The following PDE4B variants were observed in gnomAD, a reference collection of about 807,000 sequenced individuals.
PDE4B encodes the protein 3',5'-cyclic-AMP phosphodiesterase 4B.
PDE4B carries 20 observed loss-of-function variants against 82.2 expected under a neutral mutation model. The observed-to-expected ratio is 0.24, with a 90% CI of 0.17 to 0.35. PDE4B has a LOEUF of 0.35. PDE4B is among the 10% of genes least tolerant of loss of function. The probability of loss-of-function intolerance (pLI) is 1.00; values close to 1 mark genes in which losing one functional copy is unlikely to be tolerated. For synonymous variants in PDE4B, 320 were observed against 318.9 expected (o/e 1.00, Z -0.04); for missense variants, 655 against 907.2 (o/e 0.72, Z 3.57).
At chr1:66,208,387 G>T (rs921964975) in intron 3 of PDE4B, among the ~76,000 whole-genome samples, 2 of 152,160 alleles carry the variant, frequency 1.3e-5, no homozygotes, top group African/African-American at 2.4e-5. Flanking sequence ...CATGATTTAC[G>T]TAGCACATAC....
At chr1:66,234,792 G>A (rs550590337) in intron 3 of PDE4B, among the ~76,000 whole-genome samples, 46 of 150,394 alleles carry the variant, frequency 3.1e-4, no homozygotes, top group African/African-American at 1.0e-3. Flanking sequence ...TTTTATTTCC[G>A]CTCTATCTTT....
intron 3 of PDE4B, among the ~76,000 whole-genome samples, chr1:65,998,600 A>G (rs949908126): frequency 6.6e-6 from 1 of 152,190 alleles, no homozygotes; most frequent in African/African-American, 2.4e-5. Flanking sequence ...CGTAACATTG[A>G]AAACTATGCA....
chr1:66,265,967 G>T, intron 6 of PDE4B, 71 bp from the exon 7 acceptor site: 6 of 1,076,202 alleles, frequency 5.6e-6, no homozygotes, highest in African/African-American at 1.5e-5. Context: ...TAACCATGAG[G>T]GTGGGGTGTC....
At chr1:65,839,236 T>G (rs868602459) in intron 1 of PDE4B, among the ~76,000 whole-genome samples, 1 of 152,104 alleles carries the variant, frequency 6.6e-6, no homozygotes, top group African/African-American at 2.4e-5. Context: ...TATTTTATAC[T>G]TTCATTCAAT....
intron 3 of PDE4B, among the ~76,000 whole-genome samples, chr1:66,225,524 G>T (rs1045020820): frequency 6.6e-6 from 1 of 152,196 alleles, no homozygotes; most frequent in African/African-American, 2.4e-5. Context: ...ATGAAGGTCT[G>T]TTTCTCCCTA....
At chr1:66,062,164 T>C (rs556342199) in intron 3 of PDE4B, among the ~76,000 whole-genome samples, 1 of 152,034 alleles carries the variant, frequency 6.6e-6, no homozygotes, top group Non-Finnish European at 1.5e-5. Flanking sequence ...GGAAAAGAGA[T>C]TCTGACTAAG....
intron 1 of PDE4B, among the ~76,000 whole-genome samples, chr1:65,911,315 A>G (rs867954395): frequency 1.3e-5 from 2 of 152,126 alleles, no homozygotes; most frequent in South Asian, 2.1e-4. Context: ...TTTCTCCACT[A>G]AAGAAATTCA....
intron 7 of PDE4B, chr1:66,267,342 G>T (rs541754258): frequency 1.3e-5 from 2 of 152,220 alleles, no homozygotes; most frequent in East Asian, 3.9e-4. Context: ...CATATAACTC[G>T]TGTTACATAC....
chr1:65,863,622 T>A (rs1330676329), intron 1 of PDE4B, among the ~76,000 whole-genome samples: 3 of 152,186 alleles, frequency 2.0e-5, no homozygotes, highest in Non-Finnish European at 4.4e-5. Context: ...TCTCCCACTA[T>A]TATTGTGTGG....
At chr1:66,246,739 G>A (rs1021622768) in intron 3 of PDE4B, among the ~76,000 whole-genome samples, 2 of 152,288 alleles carry the variant, frequency 1.3e-5, no homozygotes, top group South Asian at 2.1e-4. Context: ...CTAGAGTGAC[G>A]AAGACCGATA....
chr1:66,224,586 G>T (rs1405532021), intron 3 of PDE4B, among the ~76,000 whole-genome samples: 1 of 152,176 alleles, frequency 6.6e-6, no homozygotes, highest in East Asian at 1.9e-4. Flanking sequence ...GGGCACTGTG[G>T]CGTGTGCCTG....
chr1:66,234,016 A>G (rs952723661), intron 3 of PDE4B, among the ~76,000 whole-genome samples: 9 of 152,166 alleles, frequency 5.9e-5, no homozygotes, highest in Admixed American at 5.9e-4. Context: ...CCCTGACCTT[A>G]TACAGTGAGT....
chr1:66,265,638 T>C (rs1654974097), intron 6 of PDE4B, among the ~76,000 whole-genome samples: 1 of 152,124 alleles, frequency 6.6e-6, no homozygotes, highest in Admixed American at 6.5e-5. Flanking sequence ...TCGCCAAGGG[T>C]TCCTCTGGCT....
chr1:66,019,669 A>G (rs965942180), intron 3 of PDE4B, among the ~76,000 whole-genome samples: 13 of 152,114 alleles, frequency 8.5e-5, no homozygotes, highest in African/African-American at 3.1e-4. Flanking sequence ...ATTATTTTTA[A>G]TAGCTCACAT....
chr1:65,824,098 G>C (rs1040958332), intron 1 of PDE4B, among the ~76,000 whole-genome samples: 1 of 152,118 alleles, frequency 6.6e-6, no homozygotes, highest in Non-Finnish European at 1.5e-5. Context: ...CAATTGTTTT[G>C]TGAATGAATA....
At chr1:66,189,438 G>A (rs899974347) in intron 3 of PDE4B, among the ~76,000 whole-genome samples, 3 of 152,146 alleles carry the variant, frequency 2.0e-5, no homozygotes, top group African/African-American at 7.2e-5. Flanking sequence ...TTTCCAACTT[G>A]GTTCCATTCT....
chr1:66,172,053 A>G (rs1395689683), intron 3 of PDE4B, among the ~76,000 whole-genome samples: 1 of 152,184 alleles, frequency 6.6e-6, no homozygotes, highest in African/African-American at 2.4e-5. Context: ...TGATCCCATC[A>G]TGCAGGTAAT....
In PDE4B at chr1:66,202,735, G is replaced by A. The variant is rs540586875; in HGVS notation, c.282-44725G>A. Reference sequence around the variant, plus strand: ...CTCCATCCCTTTATTTTGAGTCTACGTGTGTCTCGGCACGTGAGATGGGTT... The same window carrying A: ...CTCCATCCCTTTATTTTGAGTCTACATGTGTCTCGGCACGTGAGATGGGTT... On this transcript the variant is annotated intron_variant, in intron 3 of 16. Transcript: ENST00000341517. Among the ~76,000 whole-genome samples the A allele has an allele frequency of 2.9e-4, 44 of 152,068 alleles. No homozygotes were observed. The East Asian group carries it at 6.2e-3, about 21-fold the overall frequency.
intron 3 of PDE4B, among the ~76,000 whole-genome samples, chr1:66,191,041 G>A (rs1647759352): frequency 6.6e-6 from 1 of 152,146 alleles, no homozygotes; most frequent in Non-Finnish European, 1.5e-5. Flanking sequence ...AAAGCAAAGA[G>A]TTGAAATATA....
Sources: allele counts gnomAD v4.1 joint callset (sites outside exome capture counted in the v4.1 genomes callset), GRCh38; gene constraint gnomAD v4.1.1; transcripts MANE v1.5; gene names NCBI Gene and HGNC (gene_info 2026-07-23, HGNC 2026-07-21).